Variants in TEX9 observed in about 807,000 individuals in gnomAD.
TEX9 encodes testis expressed 9.
Under a neutral mutation model 59.6 loss-of-function variants are expected in TEX9, and 74 were observed. That is an observed-to-expected ratio of 1.24 (90% CI 1.03 to 1.51). The LOEUF (loss-of-function observed/expected upper bound fraction) is 1.51. TEX9 is among the 40% of genes most tolerant of loss of function. The probability of loss-of-function intolerance (pLI) is 0.00; values close to 1 mark genes in which losing one functional copy is unlikely to be tolerated. For synonymous variants in TEX9, 186 were observed against 152.2 expected, an observed-to-expected ratio of 1.22 and a Z score of -1.64; for missense variants, 522 against 447.8, an observed-to-expected ratio of 1.17 and a Z score of -1.49.
intron 1 of TEX9, among the ~76,000 whole-genome samples, chr15:56,335,562 G>T (rs1188352435): frequency 6.6e-6 from 1 of 152,074 alleles, no homozygotes; most frequent in Non-Finnish European, 1.5e-5. Context: ...TAGTTAGAAA[G>T]ATTAAATAAG....
chr15:56,316,906 C>T (rs1438514963), intron 1 of TEX9, among the ~76,000 whole-genome samples: 4 of 152,156 alleles, frequency 2.6e-5, no homozygotes, highest in Non-Finnish European at 4.4e-5. Flanking sequence ...GGGAGTGACC[C>T]GATTTTCCAG....
intron 1 of TEX9, among the ~76,000 whole-genome samples, chr15:56,317,850 T>C (rs1488045914): frequency 6.6e-6 from 1 of 152,208 alleles, no homozygotes; most frequent in African/African-American, 2.4e-5. Context: ...TTTTTAATTT[T>C]ATTCAATTTT....
intron 1 of TEX9, among the ~76,000 whole-genome samples, chr15:56,317,484 A>G (rs79487200): frequency 0.03 from 4,526 of 152,234 alleles, 217 homozygotes; most frequent in African/African-American, 0.1. Context: ...CAAAGAACCA[A>G]CTTCTATTGA....
chr15:56,400,219 G>A (rs1199304826), intron 9 of TEX9, among the ~76,000 whole-genome samples: 1 of 152,084 alleles, frequency 6.6e-6, no homozygotes, highest in Non-Finnish European at 1.5e-5. Flanking sequence ...CCCAACACAA[G>A]GAAGCTAAAA....
At chr15:56,457,670 C>T in the TEX9 span, among the ~76,000 whole-genome samples, 3 of 151,922 alleles carry the variant, frequency 2.0e-5, no homozygotes, top group Non-Finnish European at 2.9e-5. Flanking sequence ...GAAAATTAGC[C>T]AGGTGTGGTG....
intron 2 of TEX9, among the ~76,000 whole-genome samples, chr15:56,369,061 T>C (rs911429614): frequency 1.3e-5 from 2 of 152,128 alleles, no homozygotes; most frequent in Non-Finnish European, 2.9e-5. Flanking sequence ...TTCCAGGACT[T>C]GTTTTGATGT....
At chr15:56,257,639 G>T (rs191399155) in intron 1 of TEX9, among the ~76,000 whole-genome samples, 5 of 151,916 alleles carry the variant, frequency 3.3e-5, no homozygotes, top group Admixed American at 2.6e-4. Flanking sequence ...TTTTAATCGG[G>T]TTGTTTTTTC....
intron 2 of TEX9, among the ~76,000 whole-genome samples, chr15:56,370,112 G>A (rs1384748583): frequency 6.6e-6 from 1 of 151,996 alleles, no homozygotes; most frequent in African/African-American, 2.4e-5. Context: ...ACTTGAAGTT[G>A]TCTTAGCCAC....
chr15:56,451,466 C>T, the TEX9 span, among the ~76,000 whole-genome samples: 1 of 152,084 alleles, frequency 6.6e-6, no homozygotes, highest in East Asian at 1.9e-4. Context: ...AAAATTGGTT[C>T]TGAGAGTTTC....
chr15:56,314,207 G>T (rs2045698594), intron 1 of TEX9, among the ~76,000 whole-genome samples: 1 of 86,032 alleles, frequency 1.2e-5, no homozygotes, highest in African/African-American at 4.1e-5. Flanking sequence ...GAATGTGTTT[G>T]CTCTTGCTTT....
At chr15:56,316,462 G>GGGGGTCA (rs1476597304) in intron 1 of TEX9, among the ~76,000 whole-genome samples, 3 of 149,396 alleles carry the variant, frequency 2.0e-5, no homozygotes, top group Admixed American at 6.7e-5. Context: ...TAGGCTGCTC[G>GGGGGTCA]GGGGTCAGGG....
chr15:56,255,121 C>A (rs1330398772), intron 1 of TEX9, among the ~76,000 whole-genome samples: 2 of 151,948 alleles, frequency 1.3e-5, no homozygotes, highest in Non-Finnish European at 2.9e-5. Context: ...CTGTAAAAGA[C>A]CAGATAGTAA....
chr15:56,324,066 G>C (rs776652081), intron 1 of TEX9, among the ~76,000 whole-genome samples: 1 of 152,028 alleles, frequency 6.6e-6, no homozygotes, highest in Non-Finnish European at 1.5e-5. Context: ...TCGAAAGCAG[G>C]TTCTTATTGG....
intron 1 of TEX9, among the ~76,000 whole-genome samples, chr15:56,334,556 G>T (rs576522584): frequency 1.3e-5 from 2 of 152,094 alleles, no homozygotes; most frequent in Non-Finnish European, 2.9e-5. Context: ...ACTACTGAAA[G>T]AAATACTGGG....
At chr15:56,374,967 G>T (rs1237695394) in intron 3 of TEX9, among the ~76,000 whole-genome samples, 1 of 152,148 alleles carries the variant, frequency 6.6e-6, no homozygotes, top group Non-Finnish European at 1.5e-5. Context: ...CACTTTGGTT[G>T]CTTCCAGATC....
chr15:56,340,776 C>T (rs1370113415), intron 1 of TEX9, among the ~76,000 whole-genome samples: 1 of 152,136 alleles, frequency 6.6e-6, no homozygotes, highest in African/African-American at 2.4e-5. Flanking sequence ...TGTGATTTGA[C>T]CCTAGTCAAA....
intron 6 of TEX9, 73 bp from the exon 7 acceptor site, chr15:56,391,170 A>G: frequency 2.0e-6 from 2 of 998,754 alleles, no homozygotes; most frequent in Middle Eastern, 2.7e-4. Flanking sequence ...AAAGGCATAT[A>G]TCCTGTCTAC....
At chr15:56,257,482 T>C (rs1173612923) in intron 1 of TEX9, among the ~76,000 whole-genome samples, 1 of 152,092 alleles carries the variant, frequency 6.6e-6, no homozygotes, top group African/African-American at 2.4e-5. Context: ...TAATAACAAC[T>C]GTTCTGACTA....
intron 1 of TEX9, among the ~76,000 whole-genome samples, chr15:56,353,812 A>T (rs1318812884): frequency 6.6e-6 from 1 of 152,186 alleles, no homozygotes; most frequent in Non-Finnish European, 1.5e-5. Flanking sequence ...CATATTGTTG[A>T]GAGTAATTGC....
Sources: allele counts gnomAD v4.1 joint callset (sites outside exome capture counted in the v4.1 genomes callset), GRCh38; gene constraint gnomAD v4.1.1; transcripts MANE v1.5; gene names NCBI Gene and HGNC (gene_info 2026-07-23, HGNC 2026-07-21).